SEMA6D: variants seen among roughly 807,000 people sequenced by gnomAD.
SEMA6D encodes semaphorin-6D.
In SEMA6D, 35 loss-of-function variants were observed where a neutral mutation model predicts 106.6. The observed-to-expected ratio is 0.33, with a 90% CI of 0.25 to 0.44. The LOEUF (loss-of-function observed/expected upper bound fraction) is 0.44, where lower values mean the gene tolerates loss of function less well. Among genes scored for constraint, SEMA6D ranks in the 20% least tolerant of loss-of-function variants. The probability of loss-of-function intolerance (pLI) is 1.00; values close to 1 mark genes in which losing one functional copy is unlikely to be tolerated. For synonymous variants in SEMA6D, 499 were observed against 487.7 expected (o/e 1.02, Z -0.31); for missense variants, 1,185 against 1,345.9 (o/e 0.88, Z 1.87).
chr15:47,558,264 A>G (rs185374026), intron 3 of SEMA6D, among the ~76,000 whole-genome samples: 1 of 152,276 alleles, frequency 6.6e-6, no homozygotes, highest in Admixed American at 6.5e-5. Context: ...TTATTCATTA[A>G]TTCATTTATT....
At chr15:47,446,811 AAT>A (rs1366840755) in intron 2 of SEMA6D, among the ~76,000 whole-genome samples, 1 of 152,128 alleles carries the variant, frequency 6.6e-6, no homozygotes, top group Non-Finnish European at 1.5e-5. Flanking sequence ...TGTAAATGGG[AAT>A]ATCATATGTC....
At chr15:47,719,629 C>T (rs1404413154) in intron 1 of SEMA6D, among the ~76,000 whole-genome samples, 1 of 152,178 alleles carries the variant, frequency 6.6e-6, no homozygotes, top group African/African-American at 2.4e-5. Context: ...GGTTTGATCT[C>T]TGTCCCTTAG....
intron 1 of SEMA6D, among the ~76,000 whole-genome samples, chr15:47,265,995 A>AT (rs1230380712): frequency 6.6e-6 from 1 of 151,998 alleles, no homozygotes; most frequent in Non-Finnish European, 1.5e-5. Flanking sequence ...TGATTCTTCT[A>AT]TTGTCTGGAA....
chr15:47,769,712 G>T (rs2082530210), intron 18 of SEMA6D, among the ~76,000 whole-genome samples: 1 of 151,912 alleles, frequency 6.6e-6, no homozygotes, highest in Non-Finnish European at 1.5e-5. Flanking sequence ...TTTATTAATT[G>T]TTAGATGTCT....
chr15:47,730,226 C>A (rs8036756), intron 1 of SEMA6D: 2 of 1,534,664 alleles, frequency 1.3e-6, no homozygotes, highest in Non-Finnish European at 1.8e-6. Context: ...CAGGACGTTG[C>A]CGCCCCAGTG....
At chr15:47,401,298 T>C (rs1437507818) in intron 1 of SEMA6D, among the ~76,000 whole-genome samples, 1 of 152,216 alleles carries the variant, frequency 6.6e-6, no homozygotes, top group Non-Finnish European at 1.5e-5. Flanking sequence ...CCAACTTTTA[T>C]TTTTGAATGT....
intron 3 of SEMA6D, among the ~76,000 whole-genome samples, chr15:47,576,030 A>G (rs2076151364): frequency 6.6e-6 from 1 of 152,222 alleles, no homozygotes; most frequent in African/African-American, 2.4e-5. Context: ...AAATATTTTT[A>G]TATGACAAAA....
intron 1 of SEMA6D, among the ~76,000 whole-genome samples, chr15:47,752,560 G>A (rs1567076346): frequency 6.6e-6 from 1 of 152,160 alleles, no homozygotes; most frequent in Non-Finnish European, 1.5e-5. Flanking sequence ...TTTTCCTTTT[G>A]TGTGTGTGAT....
intron 3 of SEMA6D, among the ~76,000 whole-genome samples, chr15:47,471,596 A>G (rs991213726): frequency 6.6e-6 from 1 of 152,086 alleles, no homozygotes; most frequent in African/African-American, 2.4e-5. Context: ...GTCTGCACCT[A>G]CTGAAAGGTT....
In SEMA6D at chr15:47,764,689, C is replaced by T. The variant is rs372492530; in HGVS notation, c.1149C>T (p.Ile383=). The T allele has an allele frequency of 6.8e-6, 11 of 1,613,936 alleles. No homozygotes were observed. The African/African-American group carries it at 8.0e-5, about 12-fold the overall frequency. ...TTGCCGAAGCTTATAAAACCTCCAT[C>T]GATTTCCCGGATGAAACTCTGTCAT... ...HGLAEAYKTS[I]DFPDETLSFI... The change falls in exon 12 of 19, where the codon ATC becomes ATT. Residue 383 remains isoleucine, a synonymous_variant. Transcript: ENST00000536845.
At chr15:47,395,300 T>C (rs1035595943) in intron 1 of SEMA6D, among the ~76,000 whole-genome samples, 7 of 152,204 alleles carry the variant, frequency 4.6e-5, no homozygotes, top group African/African-American at 1.7e-4. Context: ...TTTTAAAATG[T>C]CATTGGAAAG....
intron 1 of SEMA6D, among the ~76,000 whole-genome samples, chr15:47,383,648 TAAGGAC>T (rs2039720815): frequency 2.7e-5 from 4 of 146,458 alleles, no homozygotes; most frequent in Non-Finnish European, 4.5e-5. Context: ...TCATAAGGCA[TAAGGAC>T]CCTGAGTTAA....
chr15:47,487,781 T>G (rs919028129), intron 3 of SEMA6D, among the ~76,000 whole-genome samples: 1 of 152,240 alleles, frequency 6.6e-6, no homozygotes, highest in Non-Finnish European at 1.5e-5. Context: ...TATGCACACA[T>G]GCAAGTATTT....
At chr15:47,492,757 A>G (rs1184992166) in intron 3 of SEMA6D, among the ~76,000 whole-genome samples, 1 of 152,180 alleles carries the variant, frequency 6.6e-6, no homozygotes, top group Non-Finnish European at 1.5e-5. Context: ...AAGCATTGGC[A>G]TAACTATAAC....
At chr15:47,546,690 A>AAGG (rs1248279780) in intron 3 of SEMA6D, among the ~76,000 whole-genome samples, 1 of 151,678 alleles carries the variant, frequency 6.6e-6, no homozygotes, top group Non-Finnish European at 1.5e-5. Context: ...TGTGGCCATG[A>AAGG]AGGAGAAACC....
Position 47,730,444 on chromosome 15 carries a change from C to T in SEMA6D, c.-55+12752C>T, listed in dbSNP as rs562325351. 1.8e-5 allele frequency: 25 copies of T among 1,402,538 alleles called. No individual in the cohort carries two copies. The African/African-American group carries it at 3.4e-4, about 19-fold the overall frequency. 86.9% of individuals were successfully genotyped at this position (1,402,538 alleles called of 1,614,324 possible). A position where few individuals can be genotyped will look rare whatever the true frequency, so the allele number is the denominator to read the frequency against. ...GACACAGGGCAGGCAAGAAGACAAC[C>T]AGCTCGATGGGATCCACGTCGTGTG... On this transcript the variant is annotated intron_variant, in intron 1 of 18. Transcript: ENST00000536845.
At chr15:47,680,055 C>T (rs1239483997) in intron 4 of SEMA6D, among the ~76,000 whole-genome samples, 1 of 152,208 alleles carries the variant, frequency 6.6e-6, no homozygotes, top group Non-Finnish European at 1.5e-5. Flanking sequence ...CCCAAGAAGC[C>T]CCATTACAAA....
chr15:47,438,883 G>A (rs960623924), intron 2 of SEMA6D, among the ~76,000 whole-genome samples: 8 of 151,874 alleles, frequency 5.3e-5, no homozygotes, highest in African/African-American at 1.2e-4. Context: ...AGAATCTGTC[G>A]CACAACAGAT....
At chr15:47,617,685 T>G (rs1363273217) in intron 4 of SEMA6D, among the ~76,000 whole-genome samples, 1 of 152,226 alleles carries the variant, frequency 6.6e-6, no homozygotes, top group Non-Finnish European at 1.5e-5. Context: ...TGTGTTTGGT[T>G]TAGACTGAGA....
Sources: allele counts gnomAD v4.1 joint callset (sites outside exome capture counted in the v4.1 genomes callset), GRCh38; gene constraint gnomAD v4.1.1; transcripts MANE v1.5; gene names NCBI Gene and HGNC (gene_info 2026-07-23, HGNC 2026-07-21).